The following SIDT1 variants were observed in gnomAD, a reference collection of about 807,000 sequenced individuals.
The protein encoded by SIDT1 is SID1 transmembrane family, member 1.
Under a neutral mutation model 107.5 loss-of-function variants are expected in SIDT1, and 101 were observed. That is an observed-to-expected ratio of 0.94 (90% CI 0.80 to 1.11). The LOEUF (loss-of-function observed/expected upper bound fraction) is 1.11, where lower values mean the gene tolerates loss of function less well. Ranked by LOEUF, SIDT1 falls within the 50% of genes least tolerant of loss-of-function variation. The probability of loss-of-function intolerance (pLI) is 0.00; values close to 1 mark genes in which losing one functional copy is unlikely to be tolerated. For synonymous variants in SIDT1, 395 were observed against 398.2 expected, an observed-to-expected ratio of 0.99 and a Z score of 0.10; for missense variants, 1,076 against 1,058.2, an observed-to-expected ratio of 1.02 and a Z score of -0.23.
chr3:113,601,522 T>C, intron 10 of SIDT1, 66 bp from the exon 11 acceptor site: 1 of 1,087,296 alleles, frequency 9.2e-7, no homozygotes, highest in South Asian at 1.3e-5. Context: ...TCAAGCTACT[T>C]AGAATAGTGT....
At chr3:113,540,884 T>C (rs935029985) in intron 1 of SIDT1, among the ~76,000 whole-genome samples, 1 of 152,130 alleles carries the variant, frequency 6.6e-6, no homozygotes, top group Non-Finnish European at 1.5e-5. Context: ...TGATAAGCAA[T>C]ATTGAAATTA....
rs753164668 is a variant in SIDT1 at position 113,566,489 on chromosome 3, C to T, written c.292C>T (p.Arg98Cys). The stretch of plus-strand genomic sequence containing the variant: ...CAACTACCCGGTCCTTGTTGTGGTT[C>T]GCCAGCAGAAAGAGGTGCTGTCCTG... ...NLNYPVLVVV[R>C]QQKEVLSWQV... The change falls in exon 2 of 25, where the codon CGC becomes TGC. Residue 98 changes from arginine (R) to cysteine (C), a missense_variant. By Grantham distance (180) the Arg-to-Cys change is radical. Transcript: ENST00000264852. The T allele has an allele frequency of 1.3e-5, 21 of 1,613,994 alleles. No individual in the cohort carries two copies. The highest frequency in any genetic ancestry group is 1.6e-4 in the Middle Eastern group (1 of 6,084).
chr3:113,636,480 G>C, the SIDT1 span, among the ~76,000 whole-genome samples: 1 of 152,128 alleles, frequency 6.6e-6, no homozygotes, highest in Non-Finnish European at 1.5e-5. Flanking sequence ...AGGTGGGGGG[G>C]ATATAACCTA....
rs921725637 is a variant in SIDT1, at chr3:113,618,253, A to G, written c.2044-1427A>G. On this transcript the variant is annotated intron_variant, in intron 20 of 24. Coordinates refer to ENST00000264852, the MANE Select transcript of SIDT1 (RefSeq NM_017699.3). ...CCTCCATGTCTTTTCATGGCTTGAT[A>G]GCTCATTTGTATTTAGCACTGAATA... 5.9e-5 allele frequency among the ~76,000 whole-genome samples: 9 copies of G among 152,342 alleles called. No homozygotes were observed. The East Asian group carries it at 7.7e-4, about 13-fold the overall frequency.
intron 10 of SIDT1, among the ~76,000 whole-genome samples, chr3:113,597,452 A>G (rs6766536): frequency 0.42 from 61,877 of 148,004 alleles, 14,719 homozygotes; most frequent in East Asian, 0.74. Flanking sequence ...AGCCGAGATC[A>G]TGCCACTGCA....
At chr3:113,578,333 G>A (rs561757568) in intron 4 of SIDT1, among the ~76,000 whole-genome samples, 19 of 152,176 alleles carry the variant, frequency 1.2e-4, no homozygotes, top group Admixed American at 4.6e-4. Flanking sequence ...CGGGCATGGT[G>A]GCGGGCGCCT....
Position 113,616,064 on chromosome 3 carries a change from C to G in SIDT1, c.1967-36C>G, listed in dbSNP as rs200730487. ...TTCAGAGTATTTGTATTTTTGTTGA[C>G]TAAGCCTTCTCACCATGCATTTGTA... On this transcript the variant is annotated intron_variant, in intron 19 of 24. Transcript: ENST00000264852. The G allele has an allele frequency of 9.4e-6, 14 of 1,497,230 alleles. No homozygotes were observed. In the African/African-American group the frequency reaches 1.5e-4, roughly 16 times the overall value. The allele number at this position is 1,497,230 out of a possible 1,614,324, so 92.7% of individuals were successfully genotyped here.
intron 5 of SIDT1, 129 bp downstream of exon 5, chr3:113,580,838 G>A (rs1364862318): frequency 1.4e-5 from 9 of 655,608 alleles, no homozygotes; most frequent in African/African-American, 3.6e-5. Flanking sequence ...TAAACAATAC[G>A]AACAGTATCT....
intron 9 of SIDT1, chr3:113,588,845 G>A (rs1286997623): frequency 6.6e-6 from 1 of 151,162 alleles, no homozygotes; most frequent in African/African-American, 2.4e-5. Context: ...GTGGCACACA[G>A]CAATACATGT....
Position 113,532,982 on chromosome 3 carries a change from C to G in SIDT1, c.-40C>G. ...ACCCTCTCTGCGCTCGCCCCCTCCC[C>G]AGGGTGGCTCCGCTTTCGAGCCCGG... is the stretch of plus-strand genomic sequence containing the variant. On this transcript the variant is annotated 5_prime_UTR_variant, in exon 1 of 25. Coordinates refer to ENST00000264852, the MANE Select transcript of SIDT1 (RefSeq NM_017699.3). The G allele has an allele frequency of 7.7e-7, 1 of 1,299,946 alleles. No homozygotes were observed. The highest frequency in any genetic ancestry group is 9.8e-7 in the Non-Finnish European group (1 of 1,017,424). The allele number at this position is 1,299,946 out of a possible 1,614,324, so 80.5% of individuals were successfully genotyped here.
At chr3:113,569,638 G>T (rs1422142819) in intron 3 of SIDT1, among the ~76,000 whole-genome samples, 1 of 152,172 alleles carries the variant, frequency 6.6e-6, no homozygotes, top group Non-Finnish European at 1.5e-5. Context: ...AGGAGTCACA[G>T]CATTTTTTCT....
intron 1 of SIDT1, among the ~76,000 whole-genome samples, chr3:113,560,623 G>C (rs1458283141): frequency 6.6e-6 from 1 of 152,200 alleles, no homozygotes; most frequent in Non-Finnish European, 1.5e-5. Flanking sequence ...AGCAGATACT[G>C]TTGTAGCTGT....
chr3:113,621,430 C>A (rs1201535617), intron 21 of SIDT1, among the ~76,000 whole-genome samples: 4 of 150,640 alleles, frequency 2.7e-5, no homozygotes, highest in African/African-American at 4.9e-5. Flanking sequence ...CATGGTGAGA[C>A]CCTCTCTCAA....
intron 1 of SIDT1, among the ~76,000 whole-genome samples, chr3:113,537,220 T>C (rs1248000972): frequency 6.6e-6 from 1 of 152,250 alleles, no homozygotes; most frequent in Non-Finnish European, 1.5e-5. Flanking sequence ...TTATCTCATT[T>C]ATTAACTAAG....
chr3:113,597,311 A>T (rs748168171), intron 10 of SIDT1, among the ~76,000 whole-genome samples: 20 of 152,208 alleles, frequency 1.3e-4, no homozygotes, highest in Middle Eastern at 3.4e-3. Context: ...ATCCTGGCCA[A>T]CATTGTGAAA....
chr3:113,587,553 G>A (rs1324854422), intron 9 of SIDT1, among the ~76,000 whole-genome samples: 1 of 152,118 alleles, frequency 6.6e-6, no homozygotes, highest in Non-Finnish European at 1.5e-5. Context: ...ACTCCTTTTA[G>A]TGTCATACTC....
Position 113,585,178 on chromosome 3 carries a change from A to G in SIDT1, c.909A>G (p.Glu303=). ...CCAAAGTTGTTTCTCTCCCTTCAGAATCTGTTTATGTGAAATCCAGTCTTT... is the reference window on the plus strand; with the variant it reads ...CCAAAGTTGTTTCTCTCCCTTCAGAGTCTGTTTATGTGAAATCCAGTCTTT... ...LEVTIVPSIK[E]SVYVKSSLFS... Residue 303 remains glutamate (E), a splice_region_variant and synonymous_variant, in exon 9 of 25, where the codon GAA becomes GAG. Coordinates refer to ENST00000264852, the MANE Select transcript of SIDT1 (RefSeq NM_017699.3). 1 of 1,611,720 alleles carries G rather than the reference A, an allele frequency of 6.2e-7. No homozygotes were observed. The highest frequency in any genetic ancestry group is 8.5e-7 in the Non-Finnish European group (1 of 1,178,026).
chr3:113,604,060 G>T, intron 13 of SIDT1, 27 bp downstream of exon 13: 1 of 1,477,248 alleles, frequency 6.8e-7, no homozygotes, highest in Non-Finnish European at 9.3e-7. Flanking sequence ...TAGGACCATG[G>T]TTCCCTTAAA....
chr3:113,619,860 C>CA (rs1242472990), intron 21 of SIDT1, 134 bp downstream of exon 21: 4 of 768,224 alleles, frequency 5.2e-6, no homozygotes, highest in East Asian at 5.1e-5. Context: ...TCTAGAGACT[C>CA]AAAAAAAGGT....
Sources: allele counts gnomAD v4.1 joint callset (sites outside exome capture counted in the v4.1 genomes callset), GRCh38; gene constraint gnomAD v4.1.1; transcripts MANE v1.5; gene names NCBI Gene and HGNC (gene_info 2026-07-23, HGNC 2026-07-21).